HAP1: variants seen among roughly 807,000 people sequenced by gnomAD.
HAP1 encodes the protein huntingtin associated protein 1.
Under a neutral mutation model 60.3 loss-of-function variants are expected in HAP1, and 59 were observed. That is an observed-to-expected ratio of 0.98 (90% CI 0.79 to 1.22). The LOEUF is 1.22. HAP1 is among the 50% of genes most tolerant of loss of function. HAP1 has a pLI of 0.00. For synonymous variants in HAP1, 346 were observed against 330.6 expected (o/e 1.05, Z -0.50); for missense variants, 825 against 785.3 (o/e 1.05, Z -0.60).
chr17:41,718,867 G>T (rs1465632763), downstream of HAP1, among the ~76,000 whole-genome samples: 1 of 152,092 alleles, frequency 6.6e-6, no homozygotes, highest in African/African-American at 2.4e-5. Context: ...TCAGTCCCAC[G>T]GTTTCAGACT....
Position 41,734,370 on chromosome 17 carries a change from T to G in HAP1, c.265A>C (p.Ile89Leu). 1 of 1,606,850 alleles carries G rather than the reference T, an allele frequency of 6.2e-7. No homozygotes were observed. Among genetic ancestry groups the G allele is most frequent in the South Asian group, 1.1e-5 (1 of 90,918 alleles). ...GARRPSAFSA[I>L]QGDVRSMPDN... is the part of the protein sequence containing the mutation. ...GGCATAGACCGGACATCCCCTTGGA[T>G]GGCCGAGAATGCGGACGGGCGCCGG... The change falls in exon 1 of 11, where the codon ATC (isoleucine) becomes CTC (leucine). Residue 89 changes from isoleucine (I) to leucine (L), a missense_variant. Transcript: ENST00000347901.
rs1271738298 is a variant in HAP1 at position 41,722,819 on chromosome 17, C to T, written c.*1882G>A. On this transcript the variant is annotated 3_prime_UTR_variant, in exon 11 of 11. Transcript: ENST00000347901. ...AGAACATGGAAGAGGAAGCCAGGGG[C>T]AGGGAGGGGGGGATCAAGACAGAGG... 3.0e-5 allele frequency: 4 copies of T among 132,446 alleles called. No individual in the cohort carries two copies. The highest frequency in any genetic ancestry group is 1.1e-4 in the African/African-American group (4 of 34,998). The allele number at this position is 132,446 out of a possible 1,614,324, so 8.2% of individuals were successfully genotyped here.
chr17:41,729,565 A>C (rs1555589999), intron 6 of HAP1, among the ~76,000 whole-genome samples: 1 of 144,262 alleles, frequency 6.9e-6, no homozygotes, highest in African/African-American at 2.6e-5. Context: ...AAAAAAAAAA[A>C]AAAAAAAAAA....
chr17:41,728,397 C>G, intron 6 of HAP1, 66 bp from the exon 7 acceptor site: 1 of 1,495,592 alleles, frequency 6.7e-7, no homozygotes, highest in Non-Finnish European at 9.2e-7. Flanking sequence ...TCTGGCCCTC[C>G]CAGATGCCTC....
chr17:41,726,871 A>G (rs552381982), intron 9 of HAP1, among the ~76,000 whole-genome samples, 182 bp downstream of exon 9: 42 of 152,104 alleles, frequency 2.8e-4, no homozygotes, highest in Non-Finnish European at 4.4e-4. Flanking sequence ...TCAAAAAAAA[A>G]AAAAATACCT....
At chr17:41,727,713 G>T in intron 8 of HAP1, 49 bp downstream of exon 8, 1 of 1,296,176 alleles carries the variant, frequency 7.7e-7, no homozygotes. Context: ...TCCCCACTCT[G>T]GGCCAGCGGC....
intron 9 of HAP1, among the ~76,000 whole-genome samples, chr17:41,726,171 T>C (rs948518094): frequency 2.6e-5 from 4 of 152,080 alleles, no homozygotes; most frequent in African/African-American, 9.7e-5. Flanking sequence ...TCCCAACACT[T>C]TGAGAGGCCC....
downstream of HAP1, among the ~76,000 whole-genome samples, chr17:41,718,685 G>A (rs1555586443): frequency 6.6e-6 from 1 of 152,202 alleles, no homozygotes; most frequent in Non-Finnish European, 1.5e-5. Flanking sequence ...GGCTGAAAGG[G>A]GTCTAAAGTT....
Position 41,731,511 on chromosome 17 carries a change from C to CCAG in HAP1, c.1048_1050dup (p.Leu350dup), listed in dbSNP as rs782389050. 5 of 1,611,834 alleles carry CCAG rather than the reference C, an allele frequency of 3.1e-6. No homozygotes were observed. Among genetic ancestry groups the CCAG allele is most frequent in the Non-Finnish European group, 3.4e-6 (4 of 1,177,912 alleles). Reference sequence around the variant, plus strand: ...TACGTACAAAACTGCTCCACACACTCCAGAATGAGCATCTGTTCCTCATCC... The same window carrying CCAG: ...TACGTACAAAACTGCTCCACACACTCCAGCAGAATGAGCATCTGTTCCTCATCC... On this transcript the variant is annotated inframe_insertion, in exon 6 of 11. Coordinates refer to ENST00000347901, the MANE Select transcript of HAP1 (RefSeq NM_177977.3).
downstream of HAP1, among the ~76,000 whole-genome samples, chr17:41,720,265 G>A (rs958491495): frequency 4.6e-5 from 7 of 150,604 alleles, no homozygotes; most frequent in African/African-American, 1.2e-4. Context: ...GGGCAATCTC[G>A]GCTCACTGCA....
chr17:41,720,848 G>T (rs1555586910), downstream of HAP1: 2 of 151,736 alleles, frequency 1.3e-5, no homozygotes, highest in African/African-American at 4.8e-5. Context: ...TGCCCAGGCT[G>T]GGGTGTAATG....
rs1376915221 is a variant in HAP1 at position 41,732,118 on chromosome 17, T to C, written c.715A>G (p.Ile239Val). Reference sequence around the variant, plus strand: ...TTCACCTGGTGTCTGAGGTATAAAATCTGGCAGGAAGAGAGAGGAGCCATG... The same window carrying C: ...TTCACCTGGTGTCTGAGGTATAAAACCTGGCAGGAAGAGAGAGGAGCCATG... ...EALLGSAKEE[I>V]LYLRHQVNLR... Residue 239 changes from isoleucine to valine, a missense_variant and splice_region_variant, in exon 4 of 11, where the codon ATT becomes GTT. Physicochemically the swap from Ile to Val is conservative, Grantham distance 29 (BLOSUM62 3). Coordinates refer to ENST00000347901, the MANE Select transcript of HAP1 (RefSeq NM_177977.3). 1.9e-6 allele frequency: 3 copies of C among 1,613,592 alleles called. No homozygotes were observed. Among genetic ancestry groups the C allele is most frequent in the Admixed American group, 1.7e-5 (1 of 59,952 alleles).
intron 6 of HAP1, among the ~76,000 whole-genome samples, chr17:41,729,597 C>CG: frequency 7.2e-6 from 1 of 139,084 alleles, no homozygotes; most frequent in Non-Finnish European, 1.5e-5. Flanking sequence ...CGGTCTTGGC[C>CG]GGGCGTGGTG....
chr17:41,733,019 G>C (rs1383510862), intron 1 of HAP1, among the ~76,000 whole-genome samples: 1 of 50,266 alleles, frequency 2.0e-5, no homozygotes, highest in Non-Finnish European at 4.6e-5. Context: ...AGGGTTTTTA[G>C]GTTTTTGGGT....
At chr17:41,734,141 C>T in intron 1 of HAP1, 25 bp downstream of exon 1, 3 of 1,546,850 alleles carry the variant, frequency 1.9e-6, no homozygotes, top group Non-Finnish European at 2.6e-6. Context: ...CCCACCCGGT[C>T]CAGGACCCCG....
At chr17:41,726,337 C>T (rs1911621187) in intron 9 of HAP1, among the ~76,000 whole-genome samples, 1 of 151,568 alleles carries the variant, frequency 6.6e-6, no homozygotes, top group South Asian at 2.1e-4. Context: ...TCGCTTGAAC[C>T]CAGGAGGCGG....
At chr17:41,726,897 G>A (rs1401716498) in intron 9 of HAP1, among the ~76,000 whole-genome samples, 156 bp downstream of exon 9, 1 of 152,020 alleles carries the variant, frequency 6.6e-6, no homozygotes, top group Non-Finnish European at 1.5e-5. Flanking sequence ...GGAAGTGATG[G>A]GTCCATATTC....
intron 6 of HAP1, among the ~76,000 whole-genome samples, chr17:41,731,238 T>C (rs1293302131): frequency 2.0e-5 from 3 of 152,144 alleles, no homozygotes; most frequent in Non-Finnish European, 4.4e-5. Context: ...GTATAGCTCT[T>C]TATAGTTTGC....
intron 9 of HAP1, among the ~76,000 whole-genome samples, chr17:41,726,440 T>C (rs1230702924): frequency 8.6e-5 from 13 of 150,374 alleles, no homozygotes; most frequent in African/African-American, 3.2e-4. Flanking sequence ...CTCGTGCCTG[T>C]AGTCCCAACT....
Sources: allele counts gnomAD v4.1 joint callset (sites outside exome capture counted in the v4.1 genomes callset), GRCh38; gene constraint gnomAD v4.1.1; transcripts MANE v1.5; gene names NCBI Gene and HGNC (gene_info 2026-07-23, HGNC 2026-07-21).